The following MYEF2 variants were observed in gnomAD, a reference collection of about 807,000 sequenced individuals.
MYEF2 encodes the protein myelin gene expression factor 2.
In MYEF2, 37 loss-of-function variants were observed where a neutral mutation model predicts 75.2. The observed-to-expected ratio is 0.49, with a 90% CI of 0.38 to 0.65. The LOEUF is 0.65. Among genes scored for constraint, MYEF2 ranks in the 30% least tolerant of loss-of-function variants. The probability of loss-of-function intolerance (pLI) is 0.00; values close to 1 mark genes in which losing one functional copy is unlikely to be tolerated. For missense variants in MYEF2, 634 were observed against 771.4 expected (o/e 0.82, Z 2.11); for synonymous variants, 195 against 241.6 (o/e 0.81, Z 1.79).
chr15:48,174,499 C>A (rs191955182), intron 1 of MYEF2, among the ~76,000 whole-genome samples: 12 of 150,984 alleles, frequency 7.9e-5, no homozygotes, highest in Admixed American at 7.2e-4. Context: ...GGAAACTCAA[C>A]AAAATAAAAA....
intron 16 of MYEF2, among the ~76,000 whole-genome samples, chr15:48,148,126 C>G (rs913564632): frequency 1.3e-5 from 2 of 152,062 alleles, no homozygotes; most frequent in Middle Eastern, 3.4e-3. Flanking sequence ...TGACAGAACA[C>G]TAAACCTATT....
rs1055219126 is a variant in MYEF2 at position 48,138,405 on chromosome 15, T to A, written c.*4503A>T. 1 of 152,130 alleles carries A rather than the reference T, an allele frequency of 6.6e-6. No homozygotes were observed. The highest frequency in any genetic ancestry group is 2.4e-5 in the African/African-American group (1 of 41,448). 9.4% of individuals were successfully genotyped at this position (152,130 alleles called of 1,614,324 possible). ...CTACCTCCTACTTTAAGGTTATTTC[T>A]ATGAACTGTGGTAAAGTCTGAATTT... On this transcript the variant is annotated 3_prime_UTR_variant, in exon 17 of 17. Transcript: ENST00000324324.
chr15:48,147,389 C>A (rs2039326401), intron 16 of MYEF2, among the ~76,000 whole-genome samples: 1 of 151,936 alleles, frequency 6.6e-6, no homozygotes, highest in African/African-American at 2.4e-5. Context: ...TGCTCTTTAT[C>A]TTGCTAAGTT....
At chr15:48,165,885 C>G (rs552942646) in intron 5 of MYEF2, 48 bp downstream of exon 5, 2 of 1,331,130 alleles carry the variant, frequency 1.5e-6, no homozygotes, top group Non-Finnish European at 2.1e-6. Context: ...CCAAGGAAAA[C>G]ATGTCTTTAT....
chr15:48,164,413 A>C (rs1032952541), intron 5 of MYEF2, among the ~76,000 whole-genome samples: 4 of 152,162 alleles, frequency 2.6e-5, no homozygotes, highest in Non-Finnish European at 5.9e-5. Context: ...TTCTTGTATG[A>C]GCAAAGAAAG....
chr15:48,163,470 C>T (rs2040024715), intron 5 of MYEF2, among the ~76,000 whole-genome samples: 1 of 152,170 alleles, frequency 6.6e-6, no homozygotes, highest in Admixed American at 6.6e-5. Context: ...ATCTCTATAA[C>T]ATAAAAGTGC....
chr15:48,162,182 T>C (rs2039965965), intron 5 of MYEF2, among the ~76,000 whole-genome samples: 1 of 152,062 alleles, frequency 6.6e-6, no homozygotes, highest in Non-Finnish European at 1.5e-5. Context: ...TGGCCTTTGA[T>C]TTCAAGCTAT....
chr15:48,163,715 A>T (rs2040035173), intron 5 of MYEF2, among the ~76,000 whole-genome samples: 1 of 152,148 alleles, frequency 6.6e-6, no homozygotes, highest in African/African-American at 2.4e-5. Context: ...GCAACTGGTA[A>T]CCTTAATTGA....
At chr15:48,151,391 G>T in intron 13 of MYEF2, 82 bp downstream of exon 13, 4 of 1,315,238 alleles carry the variant, frequency 3.0e-6, no homozygotes, top group South Asian at 1.2e-5. Context: ...ATGATTTTCT[G>T]ATTTTTCACA....
chr15:48,159,797 T>C lies in MYEF2; in HGVS notation c.533A>G (p.Asp178Gly), dbSNP rs775678443. The C allele has an allele frequency of 4.3e-6, 7 of 1,611,916 alleles. No homozygotes were observed. The African/African-American group carries it at 8.0e-5, about 18-fold the overall frequency. ...GRPLNIKEDP[D>G]GENARRALQR... ...CAATGCCCTACGAGCATTTTCTCCA[T>C]CAGGATCCTATAACACACATTGAAT... Residue 178 changes from aspartate to glycine, a missense_variant, in exon 6 of 17, where the codon GAT becomes GGT. By Grantham distance (94) the Asp-to-Gly change is moderately conservative (BLOSUM62 -1). Transcript: ENST00000324324.
chr15:48,148,904 C>G (rs1171842930), intron 16 of MYEF2, 128 bp downstream of exon 16: 4 of 870,204 alleles, frequency 4.6e-6, no homozygotes, highest in Non-Finnish European at 7.4e-6. Context: ...TTAGACCTGG[C>G]ACGCTATCAA....
rs929355594 is a variant in MYEF2, at chr15:48,135,541, G to A, written c.*7367C>T. On this transcript the variant is annotated 3_prime_UTR_variant, in exon 17 of 17. Transcript: ENST00000324324. ...CTGTGCCTAGCTGGTCCAAGAAAAT[G>A]AAAAAGGTGGTGACTGAGTGGACAG... 6.6e-6 allele frequency: 1 copy of A among 152,436 alleles called. No homozygotes were observed. The highest frequency in any genetic ancestry group is 2.4e-5 in the African/African-American group (1 of 41,390). 9.4% of individuals were successfully genotyped at this position (152,436 alleles called of 1,614,324 possible).
chr15:48,169,552 C>T (rs2040248651), intron 1 of MYEF2, among the ~76,000 whole-genome samples: 1 of 151,668 alleles, frequency 6.6e-6, no homozygotes, highest in Admixed American at 6.6e-5. Context: ...TAATGTAGGA[C>T]AGAAGCAGTA....
chr15:48,170,500 A>T (rs936383599), intron 1 of MYEF2, among the ~76,000 whole-genome samples: 1 of 152,190 alleles, frequency 6.6e-6, no homozygotes, highest in African/African-American at 2.4e-5. Flanking sequence ...ATTTTAAAGC[A>T]ATTTTTCACA....
At chr15:48,151,383 G>T in intron 13 of MYEF2, 90 bp downstream of exon 13, 1 of 1,251,656 alleles carries the variant, frequency 8.0e-7, no homozygotes, top group Non-Finnish European at 1.2e-6. Context: ...AAAACATTAT[G>T]ATTTTCTGAT....
intron 1 of MYEF2, among the ~76,000 whole-genome samples, chr15:48,176,192 G>A (rs907365169): frequency 7.7e-6 from 1 of 130,026 alleles, no homozygotes; most frequent in African/African-American, 2.9e-5. Flanking sequence ...TATTGGGGTT[G>A]TTATCCACTC....
At position 48,139,088 on chromosome 15, in the gene MYEF2, A is replaced by G; in HGVS notation, c.*3820T>C. The G allele has an allele frequency of 1.2e-6, 2 of 1,613,226 alleles. No individual in the cohort carries two copies. Among genetic ancestry groups the G allele is most frequent in the Admixed American group, 1.7e-5 (1 of 59,994 alleles). Reference sequence around the variant, plus strand: ...ACCAGATTGTAGAAAAAAGTTTTGGAAAAACTACTTTGTGATAACCTTTTT... The same window carrying G: ...ACCAGATTGTAGAAAAAAGTTTTGGGAAAACTACTTTGTGATAACCTTTTT... On this transcript the variant is annotated 3_prime_UTR_variant, in exon 17 of 17. Transcript: ENST00000324324.
intron 9 of MYEF2, among the ~76,000 whole-genome samples, chr15:48,155,136 A>G (rs2140862390): frequency 6.6e-6 from 1 of 152,240 alleles, no homozygotes; most frequent in East Asian, 1.9e-4. Flanking sequence ...AAACTATCAA[A>G]GTGATTTTTT....
intron 1 of MYEF2, among the ~76,000 whole-genome samples, chr15:48,176,445 A>G (rs1053228232): frequency 6.6e-6 from 1 of 152,156 alleles, no homozygotes; most frequent in African/African-American, 2.4e-5. Flanking sequence ...TCTTCACCTT[A>G]TATTTTTCTC....
Sources: gnomAD v4.1 joint callset for allele counts (sites outside exome capture counted in the v4.1 genomes callset) on GRCh38, gnomAD v4.1.1 for gene constraint, MANE v1.5 for transcripts, NCBI Gene and HGNC (gene_info 2026-07-23, HGNC 2026-07-21) for gene names.